CNTNAP5: variants seen among roughly 807,000 people sequenced by gnomAD.
The protein encoded by CNTNAP5 is contactin associated protein family member 5, also known as contactin-associated protein-like 5.
Under a neutral mutation model 150.2 loss-of-function variants are expected in CNTNAP5, and 72 were observed. That is an observed-to-expected ratio of 0.48 (90% confidence interval 0.40 to 0.58). CNTNAP5 has a LOEUF of 0.58. CNTNAP5 is among the 20% of genes least tolerant of loss of function. The probability of loss-of-function intolerance (pLI) is 0.00; values close to 1 mark genes in which losing one functional copy is unlikely to be tolerated. For synonymous variants in CNTNAP5, 672 were observed against 619.8 expected, an observed-to-expected ratio of 1.08 and a Z score of -1.25; for missense variants, 1,636 against 1,626.2, an observed-to-expected ratio of 1.01 and a Z score of -0.10.
intron 13 of CNTNAP5, among the ~76,000 whole-genome samples, chr2:124,731,709 T>A (rs1402644486): frequency 6.6e-6 from 1 of 151,870 alleles, no homozygotes; most frequent in East Asian, 1.9e-4. Context: ...TGTTTATGTG[T>A]AAGAATGTGT....
chr2:124,772,524 G>A (rs1055610521), intron 16 of CNTNAP5, among the ~76,000 whole-genome samples: 5 of 152,122 alleles, frequency 3.3e-5, no homozygotes, highest in African/African-American at 7.2e-5. Context: ...CAGGGCCTCG[G>A]CATTCATGCA....
intron 19 of CNTNAP5, among the ~76,000 whole-genome samples, chr2:124,815,342 C>T (rs770773205): frequency 6.6e-6 from 1 of 152,136 alleles, no homozygotes; most frequent in Admixed American, 6.5e-5. Flanking sequence ...GTCTTTGTGC[C>T]GGCAGTTTAA....
chr2:124,547,759 G>A (rs2104913291), intron 10 of CNTNAP5, among the ~76,000 whole-genome samples: 1 of 152,312 alleles, frequency 6.6e-6, no homozygotes, highest in Non-Finnish European at 1.5e-5. Context: ...TTAGGCTGCA[G>A]GATTCAGCAA....
At chr2:124,690,914 C>T (rs1364859829) in intron 13 of CNTNAP5, among the ~76,000 whole-genome samples, 1 of 152,042 alleles carries the variant, frequency 6.6e-6, no homozygotes, top group Non-Finnish European at 1.5e-5. Flanking sequence ...AAAACTTCCC[C>T]TTTACCCTCA....
chr2:124,631,730 A>G (rs1225330107), intron 12 of CNTNAP5, among the ~76,000 whole-genome samples: 1 of 152,208 alleles, frequency 6.6e-6, no homozygotes, highest in Admixed American at 6.5e-5. Context: ...ATGGGATCTA[A>G]TTAAACTAAA....
At chr2:124,314,396 GGCCCTGAGAGA>G (rs1302092395) in intron 3 of CNTNAP5, among the ~76,000 whole-genome samples, 1 of 152,070 alleles carries the variant, frequency 6.6e-6, no homozygotes, top group Non-Finnish European at 1.5e-5. Context: ...CTCCGTAGTG[GGCCCTGAGAGA>G]CCCATATTTT....
chr2:124,918,217 A>T lies in CNTNAP5; in HGVS notation c.*3929A>T, dbSNP rs1233690074. Among the ~76,000 whole-genome samples the T allele has an allele frequency of 6.6e-6, 1 of 151,890 alleles. No individual in the cohort carries two copies. Among genetic ancestry groups the T allele is most frequent in the East Asian group, 1.9e-4 (1 of 5,134 alleles). On this transcript the variant is annotated 3_prime_UTR_variant, in exon 24 of 24. Transcript: ENST00000682447. ...CCCTTTTCTCAGTTCTTCCACAGCC[A>T]TGTGTTTATGACCTATTGCATGCCG... is the stretch of plus-strand genomic sequence containing the variant.
intron 6 of CNTNAP5, among the ~76,000 whole-genome samples, chr2:124,461,974 A>T (rs959997034): frequency 6.6e-6 from 1 of 152,024 alleles, no homozygotes; most frequent in Non-Finnish European, 1.5e-5. Flanking sequence ...TAAGAAAAAA[A>T]ATAAAATAAA....
intron 13 of CNTNAP5, among the ~76,000 whole-genome samples, chr2:124,651,077 G>A (rs903168801): frequency 6.6e-5 from 10 of 152,150 alleles, no homozygotes; most frequent in Non-Finnish European, 1.3e-4. Context: ...GTTTCCCAGC[G>A]ATAGATACTA....
At chr2:124,857,277 A>C (rs953257057) in intron 19 of CNTNAP5, among the ~76,000 whole-genome samples, 1 of 152,130 alleles carries the variant, frequency 6.6e-6, no homozygotes, top group Non-Finnish European at 1.5e-5. Flanking sequence ...ACAAATTTGA[A>C]AACTACTGGA....
chr2:124,556,672 G>T (rs1231454424), intron 10 of CNTNAP5, among the ~76,000 whole-genome samples: 1 of 152,066 alleles, frequency 6.6e-6, no homozygotes, highest in African/African-American at 2.4e-5. Flanking sequence ...GATAAGTGGT[G>T]AGAGTCAGGA....
intron 13 of CNTNAP5, among the ~76,000 whole-genome samples, chr2:124,724,694 G>A (rs1680119751): frequency 6.6e-6 from 1 of 151,926 alleles, no homozygotes; most frequent in African/African-American, 2.4e-5. Flanking sequence ...ATTCCAAGCA[G>A]CATCCCACAT....
chr2:124,685,354 A>G (rs1373994471), intron 13 of CNTNAP5, among the ~76,000 whole-genome samples: 17 of 152,260 alleles, frequency 1.1e-4, no homozygotes, highest in Non-Finnish European at 2.5e-4. Flanking sequence ...ATTTCTGCTT[A>G]CACTTTATTT....
intron 16 of CNTNAP5, among the ~76,000 whole-genome samples, chr2:124,771,917 C>T (rs1681204161): frequency 6.6e-6 from 1 of 151,784 alleles, no homozygotes; most frequent in African/African-American, 2.4e-5. Context: ...ATCACCATTA[C>T]CCCCCTCACC....
intron 3 of CNTNAP5, among the ~76,000 whole-genome samples, chr2:124,346,562 T>C (rs961192846): frequency 1.3e-5 from 2 of 152,196 alleles, no homozygotes; most frequent in Non-Finnish European, 2.9e-5. Flanking sequence ...ATTCTATTGA[T>C]TGCAATTTAA....
rs971380145 is a variant in CNTNAP5 at position 124,865,360 on chromosome 2, T to C, written c.3272T>C (p.Ile1091Thr). ...LNKEETHVFT[I>T]DADNFANRRM... ...AAGGAAGAAACCCATGTATTCACCA[T>C]TGATGCAGATAACTTTGCTAACAGA... is the stretch of plus-strand genomic sequence containing the variant. Residue 1091 changes from isoleucine (I) to threonine (T), a missense_variant, in exon 20 of 24, where the codon ATT becomes ACT. Physicochemically the swap from Ile to Thr is moderately conservative, Grantham distance 89. Transcript: ENST00000682447. The C allele has an allele frequency of 1.3e-5, 21 of 1,562,594 alleles. No homozygotes were observed. The highest frequency in any genetic ancestry group is 8.1e-5 in the African/African-American group (6 of 73,736).
intron 1 of CNTNAP5, among the ~76,000 whole-genome samples, chr2:124,211,073 A>T (rs1367790598): frequency 1.3e-5 from 2 of 152,192 alleles, no homozygotes; most frequent in Non-Finnish European, 2.9e-5. Context: ...ATAAAACCTA[A>T]AAAGTATACT....
intron 8 of CNTNAP5, among the ~76,000 whole-genome samples, chr2:124,512,032 G>A (rs1475194107): frequency 1.3e-5 from 2 of 151,240 alleles, no homozygotes; most frequent in Non-Finnish European, 2.9e-5. Context: ...TTCAACCTAT[G>A]TTAGTAGAGG....
intron 1 of CNTNAP5, among the ~76,000 whole-genome samples, chr2:124,097,797 G>A (rs944329629): frequency 1.3e-5 from 2 of 152,182 alleles, no homozygotes; most frequent in Admixed American, 6.5e-5. Context: ...GGGCGGCCGA[G>A]GCGGGAGGAT....
Sources: allele counts gnomAD v4.1 joint callset (sites outside exome capture counted in the v4.1 genomes callset), GRCh38; gene constraint gnomAD v4.1.1; transcripts MANE v1.5; gene names NCBI Gene and HGNC (gene_info 2026-07-23, HGNC 2026-07-21).